CAMKK2: variants seen among roughly 807,000 people sequenced by gnomAD.
CAMKK2 encodes the protein calcium/calmodulin-dependent protein kinase kinase 2.
A neutral mutation model predicts 67.2 loss-of-function variants in CAMKK2; 30 were observed. The ratio of observed to expected loss-of-function variants is 0.45; its 90% CI spans 0.33 to 0.61. The LOEUF (loss-of-function observed/expected upper bound fraction) is 0.61, where lower values mean the gene tolerates loss of function less well. Ranked by LOEUF, CAMKK2 falls within the 20% of genes least tolerant of loss-of-function variation. The pLI is 0.02. For synonymous variants in CAMKK2, 322 were observed against 326.2 expected, an observed-to-expected ratio of 0.99 and a Z score of 0.14; for missense variants, 643 against 802.0, an observed-to-expected ratio of 0.80 and a Z score of 2.39.
intron 2 of CAMKK2, among the ~76,000 whole-genome samples, chr12:121,271,461 A>G (rs1895768872): frequency 6.6e-6 from 1 of 151,956 alleles, no homozygotes; most frequent in African/African-American, 2.4e-5. Flanking sequence ...TACTTTGTCA[A>G]AATGTAACCA....
At chr12:121,295,057 C>A (rs1016485986) in intron 1 of CAMKK2, among the ~76,000 whole-genome samples, 2 of 152,094 alleles carry the variant, frequency 1.3e-5, no homozygotes, top group African/African-American at 4.8e-5. Context: ...GTAATCCCAG[C>A]TACTGGAGAG....
Position 121,274,119 on chromosome 12 carries a change from G to A in CAMKK2, c.408C>T (p.Ser136=). ...LPYSPVSSPQ[S]SPRLPRRPTV... is the part of the protein sequence containing the mutation. ...TCGGCCGCCGGGGCAGCCGAGGCGA[G>A]GACTGCGGGGAGCTGACGGGTGAGT... The change falls in exon 2 of 17, where the codon TCC becomes TCT. Residue 136 remains serine, a synonymous_variant. Transcript: ENST00000404169. 1 of 1,563,684 alleles carries A rather than the reference G, an allele frequency of 6.4e-7. No individual in the cohort carries two copies. The highest frequency in any genetic ancestry group is 1.2e-5 in the South Asian group (1 of 85,192).
rs927843273 is a variant in CAMKK2 at position 121,279,203 on chromosome 12, C to T, written c.-59-4618G>A. 5.9e-5 allele frequency among the ~76,000 whole-genome samples: 9 copies of T among 152,220 alleles called. No individual in the cohort carries two copies. In the South Asian group the frequency reaches 6.2e-4, roughly 10 times the overall value. On this transcript the variant is annotated intron_variant, in intron 1 of 16. Transcript: ENST00000404169. ...CTCCCTCACAGCTCTGACGGAGTCT[C>T]GGCCTCTGCGGTCTGTTGGAGGATG...
intron 16 of CAMKK2, among the ~76,000 whole-genome samples, chr12:121,241,192 C>G (rs1244574832): frequency 1.3e-5 from 2 of 152,194 alleles, no homozygotes; most frequent in African/African-American, 2.4e-5. Context: ...ACCCCCCACC[C>G]CACGGCGCCT....
Position 121,264,037 on chromosome 12 carries a change from GCCAC to G in CAMKK2, c.626-102_626-99del. The G allele has an allele frequency of 4.8e-6, 6 of 1,260,266 alleles. No individual in the cohort carries two copies. In the African/African-American group the frequency reaches 6.0e-5, roughly 13 times the overall value. 78.1% of individuals were successfully genotyped at this position (1,260,266 alleles called of 1,614,324 possible). A position where few individuals can be genotyped will look rare whatever the true frequency, so the allele number is the denominator to read the frequency against. On this transcript the variant is annotated intron_variant, in intron 5 of 16. Coordinates refer to ENST00000404169, the MANE Select transcript of CAMKK2 (RefSeq NM_001270485.2). ...ATGCCAAAAGGTGGGATGCCAAAAA[GCCAC>G]TCTGCAGGGCTGGAGTGGCTGCTGC... is the stretch of plus-strand genomic sequence containing the variant.
intron 14 of CAMKK2, among the ~76,000 whole-genome samples, chr12:121,246,364 G>A (rs539991008): frequency 6.6e-6 from 1 of 151,948 alleles, no homozygotes; most frequent in East Asian, 1.9e-4. Context: ...TGGCCAGCAT[G>A]GAGAAACCGC....
At chr12:121,296,781 G>A (rs1017748016), upstream of CAMKK2, 1 of 146,232 alleles carries the variant, frequency 6.8e-6, no homozygotes, top group African/African-American at 2.5e-5. This position sits in a 1 kb window ranked among gnomAD's most constrained non-coding sequence, Gnocchi z 7.1. Context: ...GGAGCCGCCC[G>A]GCTCGGCTTG....
intron 1 of CAMKK2, among the ~76,000 whole-genome samples, chr12:121,275,841 C>T (rs1896692304): frequency 6.6e-6 from 1 of 152,110 alleles, no homozygotes; most frequent in Non-Finnish European, 1.5e-5. Context: ...AAATGGCCAA[C>T]TTATGTTACA....
intron 6 of CAMKK2, among the ~76,000 whole-genome samples, chr12:121,262,864 G>A (rs1371728484): frequency 6.6e-6 from 1 of 151,998 alleles, no homozygotes; most frequent in Non-Finnish European, 1.5e-5. Flanking sequence ...CCAGCCTATT[G>A]TTTTTAAATA....
intron 5 of CAMKK2, among the ~76,000 whole-genome samples, chr12:121,266,113 G>A (rs1197561698): frequency 2.6e-5 from 4 of 151,960 alleles, no homozygotes; most frequent in African/African-American, 7.3e-5. Flanking sequence ...TAAATTTTTG[G>A]TAGAGACAGG....
At chr12:121,268,746 A>G in intron 4 of CAMKK2, 57 bp from the exon 5 acceptor site, 2 of 1,556,154 alleles carry the variant, frequency 1.3e-6, no homozygotes, top group East Asian at 4.5e-5. Flanking sequence ...GCAGGGAGGA[A>G]AAGGGGAAGG....
rs548302120 is a variant in CAMKK2, at chr12:121,240,306, C to G, written c.*393G>C. 1 of 840,892 alleles carries G rather than the reference C, an allele frequency of 1.2e-6. No homozygotes were observed. The highest frequency in any genetic ancestry group is 2.7e-5 in the East Asian group (1 of 37,488). The allele number at this position is 840,892 out of a possible 1,614,324, so 52.1% of individuals were successfully genotyped here. On this transcript the variant is annotated 3_prime_UTR_variant, in exon 17 of 17. Transcript: ENST00000404169. The surrounding 1 kb of genome is among the most constrained non-coding windows in gnomAD (Gnocchi z 4.4). The stretch of plus-strand genomic sequence containing the variant: ...AGCAACCACCTCCATGGCCTCAGAC[C>G]GCCGGAGTTTTCTGCTCGCCTTTCC...
chr12:121,274,644 C>G (rs1896470401), intron 1 of CAMKK2, 59 bp from the exon 2 acceptor site: 1 of 674,364 alleles, frequency 1.5e-6, no homozygotes, highest in Non-Finnish European at 2.5e-6. Context: ...AGGAAAGGAT[C>G]CCCTCTCCTC....
At chr12:121,277,310 A>G (rs762734982) in intron 1 of CAMKK2, among the ~76,000 whole-genome samples, 1 of 152,214 alleles carries the variant, frequency 6.6e-6, no homozygotes, top group African/African-American at 2.4e-5. Context: ...TCAAACTACA[A>G]TCAGGCAGCC....
intron 16 of CAMKK2, among the ~76,000 whole-genome samples, chr12:121,241,773 G>A (rs1005763152): frequency 4.6e-5 from 7 of 152,186 alleles, no homozygotes; most frequent in African/African-American, 1.7e-4. Context: ...TCCCTGGGGA[G>A]GGGGGCGCTG....
chr12:121,255,751 G>C (rs201017471), intron 8 of CAMKK2, 32 bp downstream of exon 8: 1 of 1,613,186 alleles, frequency 6.2e-7, no homozygotes, highest in Non-Finnish European at 8.5e-7. Context: ...GAAGCTTCTT[G>C]CATCACCCCT....
In CAMKK2 at chr12:121,240,531, T is replaced by C; in HGVS notation, c.*168A>G. The C allele has an allele frequency of 6.5e-7, 1 of 1,534,958 alleles. No individual in the cohort carries two copies. The highest frequency in any genetic ancestry group is 2.0e-5 in the Admixed American group (1 of 50,746). On this transcript the variant is annotated 3_prime_UTR_variant, in exon 17 of 17. Transcript: ENST00000404169. The surrounding 1 kb of genome is among the most constrained non-coding windows in gnomAD (Gnocchi z 4.4). ...ACGTCATGGAGTCAAGTCCTTTTTTTTTTTTTGTCCCCTTTAAAACAACAA... is the reference window on the plus strand; with the variant it reads ...ACGTCATGGAGTCAAGTCCTTTTTTCTTTTTTGTCCCCTTTAAAACAACAA...
rs764650291 is a variant in CAMKK2 at position 121,248,690 on chromosome 12, C to T, written c.1368G>A (p.Ser456=). 18 of 1,614,082 alleles carry T rather than the reference C, an allele frequency of 1.1e-5. No individual in the cohort carries two copies. The East Asian group carries it at 2.2e-4, about 20-fold the overall frequency. ...CGACCAGCGTGCAGTTCTCATCCTC[C>T]GACGGCAACGGCTCCGCCCCATGCC... is the stretch of plus-strand genomic sequence containing the variant. ...VTRHGAEPLP[S]EDENCTLVEV... is the part of the protein sequence containing the mutation. Residue 456 remains serine (S), a synonymous_variant, in exon 14 of 17, where the codon TCG becomes TCA. Coordinates refer to ENST00000404169, the MANE Select transcript of CAMKK2 (RefSeq NM_001270485.2).
Position 121,287,472 on chromosome 12 carries a change from G to C in CAMKK2, c.-60+9166C>G, listed in dbSNP as rs767591342. On this transcript the variant is annotated intron_variant, in intron 1 of 16. Coordinates refer to ENST00000404169, the MANE Select transcript of CAMKK2 (RefSeq NM_001270485.2). ...CTCATCCAGGCAGCCCAGCAGGCTC[G>C]CAGTTGGGCCAGGAGGAGATCCAGG... Among the ~76,000 whole-genome samples the C allele has an allele frequency of 2.0e-5, 3 of 152,026 alleles. No individual in the cohort carries two copies. The South Asian group carries it at 6.2e-4, about 32-fold the overall frequency.
Sources: allele counts gnomAD v4.1 joint callset (sites outside exome capture counted in the v4.1 genomes callset), GRCh38; gene constraint gnomAD v4.1.1; non-coding constraint Gnocchi (gnomAD v3.1); transcripts MANE v1.5; gene names NCBI Gene and HGNC (gene_info 2026-07-23, HGNC 2026-07-21).